The following CBLB variants were observed in gnomAD, a reference collection of about 807,000 sequenced individuals.
The protein encoded by CBLB is Cbl proto-oncogene B.
CBLB carries 31 observed loss-of-function variants against 104.9 expected under a neutral mutation model. That is an observed-to-expected ratio of 0.30 (90% CI 0.22 to 0.40). The LOEUF (loss-of-function observed/expected upper bound fraction) is 0.40, where lower values mean the gene tolerates loss of function less well. CBLB is among the 10% of genes least tolerant of loss of function. The probability of loss-of-function intolerance (pLI) is 1.00; values close to 1 mark genes in which losing one functional copy is unlikely to be tolerated. For synonymous variants in CBLB, 440 were observed against 422.6 expected (o/e 1.04, Z -0.51); for missense variants, 1,062 against 1,214.6 (o/e 0.87, Z 1.87).
chr3:105,677,237 A>T (rs912512376), intron 17 of CBLB, among the ~76,000 whole-genome samples: 1 of 152,034 alleles, frequency 6.6e-6, no homozygotes, highest in African/African-American at 2.4e-5. Flanking sequence ...GCAGAAGATT[A>T]TTCTTGAAAA....
chr3:105,719,203 T>A (rs1029315323), intron 10 of CBLB, among the ~76,000 whole-genome samples: 1 of 152,238 alleles, frequency 6.6e-6, no homozygotes, highest in Non-Finnish European at 1.5e-5. Context: ...AAGAATATTT[T>A]TAATCAAATT....
chr3:105,706,564 T>C (rs1292289560), intron 10 of CBLB, among the ~76,000 whole-genome samples: 4 of 152,160 alleles, frequency 2.6e-5, no homozygotes, highest in African/African-American at 4.8e-5. Context: ...CAGAAAAAAT[T>C]CCTCATGTAA....
chr3:105,778,565 A>G (rs1212043707), intron 3 of CBLB, among the ~76,000 whole-genome samples: 1 of 152,154 alleles, frequency 6.6e-6, no homozygotes, highest in East Asian at 1.9e-4. Flanking sequence ...AAGTTTAAAA[A>G]AAAACAGTCA....
At chr3:105,839,691 A>G (rs2089243322) in intron 3 of CBLB, among the ~76,000 whole-genome samples, 1 of 152,252 alleles carries the variant, frequency 6.6e-6, no homozygotes, top group African/African-American at 2.4e-5. Context: ...CAGTAAGTAA[A>G]TAAATGAGCA....
chr3:105,726,616 C>G (rs867748306), intron 9 of CBLB, among the ~76,000 whole-genome samples: 1 of 150,812 alleles, frequency 6.6e-6, no homozygotes, highest in African/African-American at 2.4e-5. Context: ...AGGTTTGTTA[C>G]ACAGGTATAC....
chr3:105,796,129 T>A (rs1220972007), intron 3 of CBLB, among the ~76,000 whole-genome samples: 1 of 152,128 alleles, frequency 6.6e-6, no homozygotes, highest in African/African-American at 2.4e-5. Context: ...AGAGCCCAAG[T>A]AGCCAGAGCA....
intron 3 of CBLB, among the ~76,000 whole-genome samples, chr3:105,778,660 T>C (rs1406197143): frequency 6.6e-6 from 1 of 152,156 alleles, no homozygotes; most frequent in Non-Finnish European, 1.5e-5. Context: ...GCTTGACCTG[T>C]ACCCATAAAC....
At chr3:105,830,337 A>G (rs1184687535) in intron 3 of CBLB, among the ~76,000 whole-genome samples, 1 of 152,230 alleles carries the variant, frequency 6.6e-6, no homozygotes, top group Non-Finnish European at 1.5e-5. Context: ...TCCTACCAGA[A>G]GCAATATTTC....
rs931270811 is a variant in CBLB at position 105,672,978 on chromosome 3, T to C, written c.2570-2626A>G. 3 of 150,548 alleles carry C rather than the reference T, an allele frequency of 2.0e-5. 1 individual carries two copies. The South Asian group carries it at 6.3e-4, about 31-fold the overall frequency. 9.3% of individuals were successfully genotyped at this position (150,548 alleles called of 1,614,324 possible). On this transcript the variant is annotated intron_variant, in intron 17 of 18. Transcript: ENST00000394030. ...TTTACATAAATGTGAACTTACATAC[T>C]CGTAGGCAAAAAACAAAACAAAACT... is the stretch of plus-strand genomic sequence containing the variant.
chr3:105,692,718 C>T (rs1023268510), intron 13 of CBLB, among the ~76,000 whole-genome samples: 6 of 151,730 alleles, frequency 4.0e-5, no homozygotes, highest in Non-Finnish European at 8.8e-5. Context: ...GGAAGGTGAC[C>T]TGGGGAAGGC....
At chr3:105,849,663 A>G (rs893186778) in intron 3 of CBLB, among the ~76,000 whole-genome samples, 1 of 152,242 alleles carries the variant, frequency 6.6e-6, no homozygotes, top group South Asian at 2.1e-4. Flanking sequence ...AAAGTGGGAT[A>G]CAAGTTTACC....
intron 3 of CBLB, among the ~76,000 whole-genome samples, chr3:105,835,366 T>C (rs1401366857): frequency 6.6e-6 from 1 of 152,146 alleles, no homozygotes; most frequent in Non-Finnish European, 1.5e-5. Flanking sequence ...AGGGAAGCTG[T>C]GGGAAATTAG....
chr3:105,840,327 C>G (rs1039036422), intron 3 of CBLB, among the ~76,000 whole-genome samples: 2 of 151,582 alleles, frequency 1.3e-5, no homozygotes, highest in South Asian at 2.1e-4. Flanking sequence ...AAAAGGTATA[C>G]TTGAAAAATA....
rs1031638004 is a variant in CBLB, at chr3:105,730,550, A to G, written c.1203+3459T>C. Among the ~76,000 whole-genome samples the G allele has an allele frequency of 3.9e-5, 6 of 152,248 alleles. No homozygotes were observed. The South Asian group carries it at 1.2e-3, about 32-fold the overall frequency. On this transcript the variant is annotated intron_variant, in intron 9 of 18. Coordinates refer to ENST00000394030, the MANE Select transcript of CBLB (RefSeq NM_170662.5). ...CATGCTAGCAGAGAGATTCTAAAAT[A>G]GGTAAAGTAATCCACATTCTAGAAA...
chr3:105,801,748 C>G (rs1419428966), intron 3 of CBLB, among the ~76,000 whole-genome samples: 2 of 152,196 alleles, frequency 1.3e-5, no homozygotes, highest in African/African-American at 2.4e-5. Context: ...TAGCCTACTG[C>G]TAACAACAAC....
chr3:105,833,381 T>G (rs868024491), intron 3 of CBLB, among the ~76,000 whole-genome samples: 1 of 152,140 alleles, frequency 6.6e-6, no homozygotes, highest in African/African-American at 2.4e-5. Flanking sequence ...AACAAATATC[T>G]CTCTCTGAGA....
chr3:105,822,924 T>C (rs1172388852), intron 3 of CBLB, among the ~76,000 whole-genome samples: 3 of 152,180 alleles, frequency 2.0e-5, no homozygotes, highest in Non-Finnish European at 4.4e-5. Context: ...AGCCTTGCCC[T>C]TCTCACAATA....
At chr3:105,844,437 T>C (rs562732146) in intron 3 of CBLB, among the ~76,000 whole-genome samples, 5 of 152,340 alleles carry the variant, frequency 3.3e-5, no homozygotes, top group African/African-American at 1.2e-4. Context: ...ACATCTAAAT[T>C]ATCTTTCAGT....
In CBLB at chr3:105,702,361, T is replaced by C; in HGVS notation, c.1692A>G (p.Pro564=). Residue 564 remains proline (P), a synonymous_variant, in exon 12 of 19, where the codon CCA becomes CCG. Coordinates refer to ENST00000394030, the MANE Select transcript of CBLB (RefSeq NM_170662.5). ...TACTCAGTCTATTGTCTGGTGGGATTGGTGGAGGTCTTTCAGGTGGCGGTG... is the reference window on the plus strand; with the variant it reads ...TACTCAGTCTATTGTCTGGTGGGATCGGTGGAGGTCTTTCAGGTGGCGGTG... The part of the protein sequence containing the change: ...PPPPPPERPP[P]IPPDNRLSRH... The C allele has an allele frequency of 6.2e-7, 1 of 1,612,678 alleles. No homozygotes were observed. The highest frequency in any genetic ancestry group is 8.5e-7 in the Non-Finnish European group (1 of 1,179,642).
Sources: allele counts gnomAD v4.1 joint callset (sites outside exome capture counted in the v4.1 genomes callset), GRCh38; gene constraint gnomAD v4.1.1; transcripts MANE v1.5; gene names NCBI Gene and HGNC (gene_info 2026-07-23, HGNC 2026-07-21).